IRS1: variants seen among roughly 807,000 people sequenced by gnomAD.
IRS1 encodes the protein insulin receptor substrate 1.
IRS1 carries 34 observed loss-of-function variants against 65.6 expected under a neutral mutation model. The ratio of observed to expected loss-of-function variants is 0.52; its 90% CI spans 0.39 to 0.69. The LOEUF is 0.69. IRS1 is among the 30% of genes least tolerant of loss of function. The pLI, the probability that IRS1 is intolerant of heterozygous loss-of-function variation, is 0.00. For synonymous variants in IRS1, 699 were observed against 683.5 expected (o/e 1.02, Z -0.35); for missense variants, 1,641 against 1,720.2 (o/e 0.95, Z 0.81).
intron 1 of IRS1, among the ~76,000 whole-genome samples, chr2:226,754,343 C>T (rs1938751129): frequency 1.3e-5 from 2 of 152,084 alleles, no homozygotes; most frequent in South Asian, 4.2e-4. Context: ...AGTAAACTAA[C>T]CCAACCCACA....
chr2:226,760,754 A>G (rs149495994), intron 1 of IRS1, among the ~76,000 whole-genome samples: 1 of 152,342 alleles, frequency 6.6e-6, no homozygotes, highest in East Asian at 1.9e-4. Flanking sequence ...CCATTTTCAG[A>G]TGATGCTAGG....
chr2:226,789,692 T>C (rs1381584633), intron 1 of IRS1, among the ~76,000 whole-genome samples: 1 of 152,192 alleles, frequency 6.6e-6, no homozygotes, highest in Non-Finnish European at 1.5e-5. Context: ...TAAAGCTTAC[T>C]CTATAGTGTG....
chr2:226,778,924 G>A (rs1939329374), intron 1 of IRS1, among the ~76,000 whole-genome samples: 1 of 152,134 alleles, frequency 6.6e-6, no homozygotes. Context: ...ACAAAAATGT[G>A]CCCTGGGAAA....
In IRS1 at chr2:226,785,320, T is replaced by C. The variant is rs1178583377; in HGVS notation, c.*21+9669A>G. ...TGTTTAAAAACTTAAGACACTTTTCTGGCCAGGTGTGGTGGCTCACACCTG... is the reference window on the plus strand; with the variant it reads ...TGTTTAAAAACTTAAGACACTTTTCCGGCCAGGTGTGGTGGCTCACACCTG... On this transcript the variant is annotated intron_variant, in intron 1 of 1. Coordinates refer to ENST00000305123, the MANE Select transcript of IRS1 (RefSeq NM_005544.3). Among the ~76,000 whole-genome samples the C allele has an allele frequency of 3.3e-5, 5 of 152,172 alleles. No homozygotes were observed. In the East Asian group the frequency reaches 7.7e-4, roughly 24 times the overall value.
Position 226,798,289 on chromosome 2 carries a change from GC to G in IRS1, c.449del (p.Ser150ThrfsTer17). Reference protein sequence around the residue: ...SGLGEAGEDLSYGDVPPGPAF... With the variant: ...SGLGEAGEDLXYGDVPPGPAF... ...CGGGTCCTGGGGGCACGTCACCGTA[GC>G]TCAAGTCCTCCCCAGCCTCACCAAG... On this transcript the variant is annotated frameshift_variant, in exon 1 of 2. Transcript: ENST00000305123. LOFTEE classifies it high-confidence loss of function. This position sits in a 1 kb window ranked among gnomAD's most constrained non-coding sequence, Gnocchi z 9.4. 1 of 1,613,046 alleles carries G rather than the reference GC, an allele frequency of 6.2e-7. No individual in the cohort carries two copies. The highest frequency in any genetic ancestry group is 8.5e-7 in the Non-Finnish European group (1 of 1,179,902).
At position 226,799,680 on chromosome 2, in the gene IRS1, C is replaced by A; in HGVS notation, c.-942G>T. On this transcript the variant is annotated 5_prime_UTR_variant, in exon 1 of 2. Transcript: ENST00000305123. This position sits in a 1 kb window ranked among gnomAD's most constrained non-coding sequence, Gnocchi z 6.1. ...CCTCCTCCCTCCTCCTCCTCCTCCT[C>A]GGAGAGTTGCCGAGAGCCCCAACCA... The A allele has an allele frequency of 1.0e-6, 1 of 1,000,116 alleles. No homozygotes were observed. The highest frequency in any genetic ancestry group is 4.7e-5 in the South Asian group (1 of 21,416). The allele number at this position is 1,000,116 out of a possible 1,614,324, so 62.0% of individuals were successfully genotyped here.
At chr2:226,777,204 T>G in intron 1 of IRS1, among the ~76,000 whole-genome samples, 1 of 152,178 alleles carries the variant, frequency 6.6e-6, no homozygotes, top group South Asian at 2.1e-4. Flanking sequence ...AAATGTATTA[T>G]ACTAATGCAA....
At chr2:226,743,234 A>ATT (rs755663988) in intron 1 of IRS1, among the ~76,000 whole-genome samples, 1 of 146,850 alleles carries the variant, frequency 6.8e-6, no homozygotes. Context: ...GGAAGATTTA[A>ATT]TTTTTTTTTT....
rs759374843 is a variant in IRS1 at position 226,795,048 on chromosome 2, T to C, written c.3691A>G (p.Ser1231Gly). ...RSSEDLSAYA[S>G]ISFQKQPEDR... ...TCTGGCTGCTTCTGGAAACTGATGC[T>C]GGCATAGGCGCTTAAATCCTCACTT... is the stretch of plus-strand genomic sequence containing the variant. Residue 1231 changes from serine to glycine, a missense_variant, in exon 1 of 2, where the codon AGC becomes GGC. Physicochemically the swap from Ser to Gly is moderately conservative, Grantham distance 56. Around this residue, in one of 3 missense-constraint regions of IRS1, gnomAD observed 1,324 missense variants for 1,361.0 expected, o/e 0.97. Transcript: ENST00000305123. 6.2e-7 allele frequency: 1 copy of C among 1,602,564 alleles called. No homozygotes were observed. The highest frequency in any genetic ancestry group is 8.5e-7 in the Non-Finnish European group (1 of 1,178,456).
chr2:226,758,669 T>C (rs1405158659), intron 1 of IRS1, among the ~76,000 whole-genome samples: 1 of 152,124 alleles, frequency 6.6e-6, no homozygotes, highest in Non-Finnish European at 1.5e-5. Flanking sequence ...TTTTCTAAGA[T>C]ATCTCTATGT....
intron 1 of IRS1, among the ~76,000 whole-genome samples, chr2:226,762,636 C>G (rs1468503258): frequency 6.6e-6 from 1 of 152,198 alleles, no homozygotes; most frequent in Non-Finnish European, 1.5e-5. Context: ...TTTCCAGAAA[C>G]AGGTGGCAGC....
Position 226,796,268 on chromosome 2 carries a change from C to G in IRS1, c.2471G>C (p.Arg824Thr), listed in dbSNP as rs1302129293. ...DSLGGGYCGARLEPSLPHPHH... is the reference protein window; with the variant it reads ...DSLGGGYCGATLEPSLPHPHH... ...GGGATGTGGAAGGCTGGGCTCCAGC[C>G]TAGCCCCGCAGTATCCCCCACCCAG... The change falls in exon 1 of 2, where the codon AGG becomes ACG. Residue 824 changes from arginine (R) to threonine (T), a missense_variant. Physicochemically the swap from Arg to Thr is moderately conservative, Grantham distance 71 (BLOSUM62 -1). Around this residue, in one of 3 missense-constraint regions of IRS1, gnomAD observed 1,324 missense variants for 1,361.0 expected, o/e 0.97. Coordinates refer to ENST00000305123, the MANE Select transcript of IRS1 (RefSeq NM_005544.3). 1.2e-6 allele frequency: 2 copies of G among 1,613,520 alleles called. No homozygotes were observed. Among genetic ancestry groups the G allele is most frequent in the South Asian group, 2.2e-5 (2 of 91,090 alleles).
In IRS1 at chr2:226,795,366, C is replaced by G; in HGVS notation, c.3373G>C (p.Val1125Leu). 2 of 1,613,190 alleles carry G rather than the reference C, an allele frequency of 1.2e-6. No homozygotes were observed. Among genetic ancestry groups the G allele is most frequent in the Non-Finnish European group, 1.7e-6 (2 of 1,179,966 alleles). ...NTVPFGAGAA[V>L]GGGGGSSSSS... ...CTGCTGCTACCGCCACCGCCCCCTA[C>G]TGCTGCCCCCGCTCCAAAGGGCACT... The change falls in exon 1 of 2, where the codon GTA becomes CTA. Residue 1125 changes from valine to leucine, a missense_variant. Coordinates refer to ENST00000305123, the MANE Select transcript of IRS1 (RefSeq NM_005544.3).
chr2:226,795,578 G>A lies in IRS1; in HGVS notation c.3161C>T (p.Ala1054Val). The stretch of plus-strand genomic sequence containing the variant: ...GCCCCCCAGCAGGGACGAGTGGGCA[G>A]CCAGCTCTGCTGCCCCTTGAGGCCC... The part of the protein sequence containing the change: ...PTGPQGAAEL[A>V]AHSSLLGGPQ... Residue 1054 changes from alanine (A) to valine (V), a missense_variant, in exon 1 of 2, where the codon GCT (alanine) becomes GTT (valine). Ala to Val is a moderately conservative substitution (Grantham distance 64, BLOSUM62 0). Transcript: ENST00000305123. 6.2e-7 allele frequency: 1 copy of A among 1,612,868 alleles called. No homozygotes were observed. The highest frequency in any genetic ancestry group is 8.5e-7 in the Non-Finnish European group (1 of 1,179,912).
Position 226,795,131 on chromosome 2 carries a change from G to C in IRS1, c.3608C>G (p.Pro1203Arg). 1 of 1,592,584 alleles carries C rather than the reference G, an allele frequency of 6.3e-7. No homozygotes were observed. The highest frequency in any genetic ancestry group is 8.6e-7 in the Non-Finnish European group (1 of 1,162,660). ...CAGGGGTTGATGAGGGGGTGGGGGT[G>C]GGGGAGGCTGCGGTTCAGGGGTGCA... is the stretch of plus-strand genomic sequence containing the variant. ...QECTPEPQPPPPPPPHQPLGS... is the reference protein window; with the variant it reads ...QECTPEPQPPRPPPPHQPLGS... Residue 1203 changes from proline (P) to arginine (R), a missense_variant, in exon 1 of 2, where the codon CCA becomes CGA. Coordinates refer to ENST00000305123, the MANE Select transcript of IRS1 (RefSeq NM_005544.3).
intron 1 of IRS1, among the ~76,000 whole-genome samples, chr2:226,774,660 A>C (rs1939234056): frequency 1.3e-5 from 2 of 152,246 alleles, no homozygotes; most frequent in Non-Finnish European, 2.9e-5. Context: ...CTGACTTCAC[A>C]AATGTCTTCA....
chr2:226,767,279 C>T (rs1939072064), intron 1 of IRS1, among the ~76,000 whole-genome samples: 1 of 152,194 alleles, frequency 6.6e-6, no homozygotes, highest in Admixed American at 6.5e-5. Flanking sequence ...GATCACATAA[C>T]CTAAAAACCA....
chr2:226,738,016 G>C (rs1480014958), intron 1 of IRS1, among the ~76,000 whole-genome samples: 1 of 152,178 alleles, frequency 6.6e-6, no homozygotes, highest in Non-Finnish European at 1.5e-5. Flanking sequence ...AGATATCTAA[G>C]GAGGGATAGA....
intron 1 of IRS1, among the ~76,000 whole-genome samples, chr2:226,786,621 T>C (rs189853906): frequency 1.3e-5 from 2 of 149,770 alleles, no homozygotes; most frequent in East Asian, 3.9e-4. Context: ...GGAAGCCTTA[T>C]TTTTCACTCT....
Sources: allele counts gnomAD v4.1 joint callset (sites outside exome capture counted in the v4.1 genomes callset), GRCh38; gene constraint gnomAD v4.1.1; regional missense constraint gnomAD v4.1.1; non-coding constraint Gnocchi (gnomAD v3.1); transcripts MANE v1.5; gene names NCBI Gene and HGNC (gene_info 2026-07-23, HGNC 2026-07-21).